TRAK1: variants seen among roughly 807,000 people sequenced by gnomAD.
TRAK1 encodes the protein trafficking kinesin protein 1, also known as trafficking kinesin-binding protein 1.
In TRAK1, 33 loss-of-function variants were observed where a neutral mutation model predicts 92.1. The observed-to-expected ratio is 0.36, with a 90% CI of 0.27 to 0.48. The LOEUF (loss-of-function observed/expected upper bound fraction) is 0.48. Among genes scored for constraint, TRAK1 ranks in the 20% least tolerant of loss-of-function variants. TRAK1 has a pLI of 0.99. For synonymous variants in TRAK1, 521 were observed against 517.3 expected, an observed-to-expected ratio of 1.01 and a Z score of -0.10; for missense variants, 1,123 against 1,257.9, an observed-to-expected ratio of 0.89 and a Z score of 1.62.
intron 2 of TRAK1, among the ~76,000 whole-genome samples, chr3:42,168,226 CT>C (rs756505259): frequency 6.6e-6 from 1 of 152,126 alleles, no homozygotes; most frequent in Non-Finnish European, 1.5e-5. Context: ...GTGCTAGTTT[CT>C]TAGTGGGTGA....
chr3:42,057,721 A>T (rs1488211346), intron 1 of TRAK1, among the ~76,000 whole-genome samples: 1 of 151,946 alleles, frequency 6.6e-6, no homozygotes, highest in African/African-American at 2.4e-5. Context: ...GCAGAAAGGG[A>T]GCAGACGAAC....
intron 1 of TRAK1, among the ~76,000 whole-genome samples, chr3:42,020,985 A>G (rs1293759297): frequency 3.3e-5 from 5 of 152,168 alleles, no homozygotes; most frequent in Non-Finnish European, 5.9e-5. Context: ...AGAAAATTGG[A>G]GGTTTACTTA....
At position 42,209,931 on chromosome 3, in the gene TRAK1, A is replaced by G. The variant is rs763218022; in HGVS notation, c.1909A>G (p.Ile637Val). Residue 637 changes from isoleucine to valine, a missense_variant, in exon 14 of 16, where the codon ATT becomes GTT. Coordinates refer to ENST00000327628, the MANE Select transcript of TRAK1 (RefSeq NM_001042646.3). ...DFEEDDTGDH[I>V]SLPRLATSTP... ...TGAAGAAGATGACACAGGTGACCAC[A>G]TTTCTCTCCCACGCCTAGCTACCTC... 199 of 1,613,882 alleles carry G rather than the reference A, an allele frequency of 1.2e-4. No homozygotes were observed. Among genetic ancestry groups the G allele is most frequent in the Admixed American group, 2.0e-4 (12 of 59,992 alleles).
intron 1 of TRAK1, among the ~76,000 whole-genome samples, chr3:42,063,265 C>G (rs760202706): frequency 7.2e-5 from 11 of 152,248 alleles, no homozygotes; most frequent in East Asian, 1.9e-4. Context: ...TTTTCCGCTT[C>G]GCGGGAAAAG....
rs749120866 is a variant in TRAK1, at chr3:42,202,845, G to A, written c.1744+93G>A. ...GCGGAAGGCGGGGCACCTCTGTCAC[G>A]CCTACTCCTTTTTCTTCCGCGACAG... On this transcript the variant is annotated intron_variant, in intron 13 of 15. Coordinates refer to ENST00000327628, the MANE Select transcript of TRAK1 (RefSeq NM_001042646.3). This position sits in a 1 kb window ranked among gnomAD's most constrained non-coding sequence, Gnocchi z 6.1. The A allele has an allele frequency of 7.8e-6, 12 of 1,546,090 alleles. No individual in the cohort carries two copies. Among genetic ancestry groups the A allele is most frequent in the African/African-American group, 6.9e-5 (5 of 72,816 alleles).
At chr3:42,162,418 A>C (rs1701373413) in intron 2 of TRAK1, among the ~76,000 whole-genome samples, 1 of 152,118 alleles carries the variant, frequency 6.6e-6, no homozygotes, top group African/African-American at 2.4e-5. Flanking sequence ...GTTTATTCTG[A>C]TCCAGGCTTG....
upstream of TRAK1, chr3:42,087,542 CGGA>C: frequency 6.6e-6 from 1 of 152,620 alleles, no homozygotes; most frequent in East Asian, 1.9e-4. Context: ...TCTGAGCTTT[CGGA>C]TTGTGAGACC....
intron 2 of TRAK1, among the ~76,000 whole-genome samples, chr3:42,156,556 A>G (rs1025622383): frequency 2.0e-4 from 30 of 152,256 alleles, no homozygotes; most frequent in African/African-American, 7.0e-4. Context: ...CCGTGAGTCT[A>G]TACTGATAAA....
At chr3:42,203,534 A>G (rs1056750628) in intron 13 of TRAK1, 1 of 970,378 alleles carries the variant, frequency 1.0e-6, no homozygotes, top group African/African-American at 1.9e-5. Context: ...CACTTATAAA[A>G]TGTTTTCCCT....
chr3:42,136,005 C>T (rs977196674), intron 2 of TRAK1, among the ~76,000 whole-genome samples: 1 of 152,204 alleles, frequency 6.6e-6, no homozygotes, highest in Non-Finnish European at 1.5e-5. Flanking sequence ...TGACCCTGTC[C>T]ATTCTCATAG....
At chr3:42,129,921 G>A (rs971412712) in intron 2 of TRAK1, among the ~76,000 whole-genome samples, 1 of 152,030 alleles carries the variant, frequency 6.6e-6, no homozygotes, top group East Asian at 1.9e-4. Flanking sequence ...TACAAAAAAA[G>A]CAAAAACCCC....
At chr3:42,118,345 G>A (rs921115149) in intron 1 of TRAK1, among the ~76,000 whole-genome samples, 5 of 152,138 alleles carry the variant, frequency 3.3e-5, no homozygotes, top group African/African-American at 1.2e-4. Context: ...GCCCGCCTCG[G>A]CCTCCCAAAG....
chr3:42,128,828 T>C (rs562269450), intron 2 of TRAK1, among the ~76,000 whole-genome samples: 1 of 145,372 alleles, frequency 6.9e-6, no homozygotes, highest in African/African-American at 2.6e-5. Flanking sequence ...ATCTTTTATT[T>C]CATGTCACAG....
chr3:42,052,507 C>G (rs1703022830), intron 1 of TRAK1, among the ~76,000 whole-genome samples: 1 of 152,208 alleles, frequency 6.6e-6, no homozygotes, highest in South Asian at 2.1e-4. Flanking sequence ...GGAAATAACC[C>G]TCCAGCTTAA....
chr3:42,050,201 C>G (rs982863186), intron 1 of TRAK1, among the ~76,000 whole-genome samples: 6 of 146,196 alleles, frequency 4.1e-5, no homozygotes, highest in African/African-American at 1.5e-4. Context: ...GTGTGAGAGT[C>G]GGGGGTCTTA....
At chr3:42,064,189 G>C (rs1228303493) in intron 1 of TRAK1, among the ~76,000 whole-genome samples, 1 of 152,198 alleles carries the variant, frequency 6.6e-6, no homozygotes, top group African/African-American at 2.4e-5. Flanking sequence ...AGCCAGGCGG[G>C]CGCTGTGGCT....
chr3:42,076,786 C>T (rs989157677), intron 1 of TRAK1, among the ~76,000 whole-genome samples: 2 of 152,072 alleles, frequency 1.3e-5, no homozygotes, highest in Non-Finnish European at 2.9e-5. Context: ...ATTCTTTAGT[C>T]CATCTTGAGT....
Position 42,013,818 on chromosome 3 carries a change from C to T in TRAK1, c.-818C>T, listed in dbSNP as rs929062609. The T allele has an allele frequency of 6.7e-6, 1 of 150,296 alleles. No individual in the cohort carries two copies. The highest frequency in any genetic ancestry group is 2.4e-5 in the African/African-American group (1 of 41,152). The allele number at this position is 150,296 out of a possible 1,614,324, so 9.3% of individuals were successfully genotyped here. ...GCGTCCCCCAGAGTGGGGCCGCGCGCGGGAGAGCCGGAGCGCAGCCTTAGC... is the reference window on the plus strand; with the variant it reads ...GCGTCCCCCAGAGTGGGGCCGCGCGTGGGAGAGCCGGAGCGCAGCCTTAGC... On this transcript the variant is annotated 5_prime_UTR_variant, in exon 1 of 17. Transcript: ENST00000487159. The surrounding 1 kb of genome is among the most constrained non-coding windows in gnomAD (Gnocchi z 5.1).
At chr3:42,093,580 C>T (rs1425835502) in intron 1 of TRAK1, among the ~76,000 whole-genome samples, 1 of 150,738 alleles carries the variant, frequency 6.6e-6, no homozygotes, top group Non-Finnish European at 1.5e-5. Flanking sequence ...TTTAGTTCTG[C>T]ACTTGAAACA....
Sources: gnomAD v4.1 joint callset for allele counts (sites outside exome capture counted in the v4.1 genomes callset) on GRCh38, gnomAD v4.1.1 for gene constraint, Gnocchi (gnomAD v3.1) non-coding constraint, MANE v1.5 for transcripts, NCBI Gene and HGNC (gene_info 2026-07-23, HGNC 2026-07-21) for gene names.